PTPN12: variants seen among roughly 807,000 people sequenced by gnomAD.
The protein encoded by PTPN12 is protein tyrosine phosphatase non-receptor type 12, also known as tyrosine-protein phosphatase non-receptor type 12.
In PTPN12, 29 loss-of-function variants were observed where a neutral mutation model predicts 97.6. The observed-to-expected ratio is 0.30, with a 90% CI of 0.22 to 0.41. PTPN12 has a LOEUF of 0.41. PTPN12 is among the 10% of genes least tolerant of loss of function. The pLI, the probability that PTPN12 is intolerant of heterozygous loss-of-function variation, is 1.00. For missense variants in PTPN12, 819 were observed against 926.0 expected (o/e 0.88, Z 1.50); for synonymous variants, 327 against 300.4 (o/e 1.09, Z -0.91).
At chr7:77,570,184 T>C (rs1456894663) in intron 1 of PTPN12, among the ~76,000 whole-genome samples, 2 of 152,156 alleles carry the variant, frequency 1.3e-5, no homozygotes, top group Non-Finnish European at 2.9e-5. Context: ...GATGATAAAA[T>C]TTAGTCGTTT....
intron 9 of PTPN12, among the ~76,000 whole-genome samples, chr7:77,609,796 G>A (rs1183054864): frequency 6.6e-6 from 1 of 151,806 alleles, no homozygotes; most frequent in African/African-American, 2.4e-5. Context: ...CAGGAGAATG[G>A]CGTGAACCCG....
chr7:77,555,361 A>G (rs1172921712), intron 1 of PTPN12, among the ~76,000 whole-genome samples: 2 of 151,972 alleles, frequency 1.3e-5, no homozygotes, highest in Non-Finnish European at 2.9e-5. Flanking sequence ...CATTATTTCA[A>G]ATATTTCTTC....
chr7:77,561,695 T>G (rs1808001512), intron 1 of PTPN12, among the ~76,000 whole-genome samples: 1 of 152,142 alleles, frequency 6.6e-6, no homozygotes, highest in African/African-American at 2.4e-5. Context: ...GTAAAGAGAA[T>G]TGATGTAATT....
chr7:77,564,877 C>T (rs1385308445), intron 1 of PTPN12, among the ~76,000 whole-genome samples: 1 of 147,684 alleles, frequency 6.8e-6, no homozygotes, highest in Non-Finnish European at 1.5e-5. Context: ...CCTACCTCAG[C>T]CTTCCGAGTA....
chr7:77,585,489 A>T (rs1787659480), intron 4 of PTPN12, 54 bp from the exon 5 acceptor site: 1 of 1,482,322 alleles, frequency 6.7e-7, no homozygotes, highest in Non-Finnish European at 9.3e-7. Flanking sequence ...TTAAAAAGTA[A>T]AATTGTGTTT....
intron 11 of PTPN12, among the ~76,000 whole-genome samples, chr7:77,614,251 G>A (rs952011555): frequency 1.3e-5 from 2 of 152,044 alleles, no homozygotes; most frequent in African/African-American, 2.4e-5. Context: ...GATAAATACC[G>A]CATCACCTTT....
rs1787114464 is a variant in PTPN12 at position 77,571,222 on chromosome 7, A to G, written c.208+36A>G. ...AATGCCCTTGATAAAATACATAGAA[A>G]TGCTAATTAGCCTTTTGTAACCTAA... On this transcript the variant is annotated intron_variant, in intron 2 of 17. Coordinates refer to ENST00000248594, the MANE Select transcript of PTPN12 (RefSeq NM_002835.4). The G allele has an allele frequency of 5.3e-6, 7 of 1,327,234 alleles. No homozygotes were observed. In the South Asian group the frequency reaches 9.0e-5, roughly 17 times the overall value. 82.2% of individuals were successfully genotyped at this position (1,327,234 alleles called of 1,614,324 possible).
chr7:77,625,472 G>GCTTGCGCTCTCTCT (rs1554326598), intron 12 of PTPN12, among the ~76,000 whole-genome samples: 8 of 33,514 alleles, frequency 2.4e-4, no homozygotes, highest in African/African-American at 1.1e-3. Flanking sequence ...CAGGCTGCTC[G>GCTTGCGCTCTCTCT]CTCTCTCTCT....
At chr7:77,547,338 G>T (rs186272730) in intron 1 of PTPN12, among the ~76,000 whole-genome samples, 2 of 152,260 alleles carry the variant, frequency 1.3e-5, no homozygotes, top group East Asian at 3.9e-4. Flanking sequence ...TTTTCCTGGG[G>T]GCAGTGGGTG....
At chr7:77,624,900 C>T (rs992865138) in intron 12 of PTPN12, among the ~76,000 whole-genome samples, 7 of 151,714 alleles carry the variant, frequency 4.6e-5, no homozygotes, top group Non-Finnish European at 8.8e-5. Context: ...TTGCGGGGGC[C>T]GAGGCAGGCA....
chr7:77,537,489 G>T lies in PTPN12; in HGVS notation c.-58G>T, dbSNP rs1424771494. ...AGCTGGGGAAGACGGAGCGGGCTCT[G>T]TGCCGGGCGGGCGGGCGGCGGGGGG... On this transcript the variant is annotated 5_prime_UTR_variant, in exon 1 of 18. Coordinates refer to ENST00000248594, the MANE Select transcript of PTPN12 (RefSeq NM_002835.4). 1.3e-6 allele frequency: 2 copies of T among 1,508,880 alleles called. No individual in the cohort carries two copies. Among genetic ancestry groups the T allele is most frequent in the Non-Finnish European group, 1.8e-6 (2 of 1,128,444 alleles). 93.5% of individuals were successfully genotyped at this position (1,508,880 alleles called of 1,614,324 possible).
chr7:77,623,036 G>A (rs1789001281), intron 12 of PTPN12, among the ~76,000 whole-genome samples: 1 of 150,416 alleles, frequency 6.6e-6, no homozygotes. Flanking sequence ...AAGAAAAAAT[G>A]TGTTAGAATT....
At chr7:77,579,160 C>T (rs1787430995) in intron 2 of PTPN12, among the ~76,000 whole-genome samples, 1 of 152,132 alleles carries the variant, frequency 6.6e-6, no homozygotes, top group South Asian at 2.1e-4. Context: ...CCCACTCTGT[C>T]ACCCAGGCTG....
intron 1 of PTPN12, among the ~76,000 whole-genome samples, chr7:77,560,106 G>C (rs1354946478): frequency 6.6e-6 from 1 of 152,214 alleles, no homozygotes; most frequent in Non-Finnish European, 1.5e-5. Context: ...TCATAAAAGT[G>C]ATAATTGAGT....
In PTPN12 at chr7:77,605,586, A is replaced by AT. The variant is rs66467147; in HGVS notation, c.696-1637dup. 7.5e-3 allele frequency among the ~76,000 whole-genome samples: 1,110 copies of AT among 147,928 alleles called. 9 individuals carry two copies. The highest frequency in any genetic ancestry group is 0.012 in the Non-Finnish European group (828 of 66,874). On this transcript the variant is annotated intron_variant, in intron 8 of 17. Transcript: ENST00000248594. ...AGGCGCCCACTACCACGCCCGGCTA[A>AT]TTTTTTTTTTTTGTATTTGCAGTAG...
chr7:77,581,446 A>G lies in PTPN12; in HGVS notation c.228A>G (p.Lys76=). 1.2e-6 allele frequency: 2 copies of G among 1,608,228 alleles called. No individual in the cohort carries two copies. Among genetic ancestry groups the G allele is most frequent in the Non-Finnish European group, 1.7e-6 (2 of 1,176,506 alleles). Residue 76 remains lysine (K), a synonymous_variant, in exon 3 of 18, where the codon AAA becomes AAG. Transcript: ENST00000248594. ...TCGTAGTTGATCACAGCCGAGTTAA[A>G]TTGACATTAAAGACTCCTTCACAAG... ...DILPFDHSRV[K]LTLKTPSQDS...
At chr7:77,580,565 G>A (rs1787481955) in intron 2 of PTPN12, among the ~76,000 whole-genome samples, 1 of 152,054 alleles carries the variant, frequency 6.6e-6, no homozygotes, top group Non-Finnish European at 1.5e-5. Flanking sequence ...AAGGGCAGGG[G>A]AGGCTTACTT....
At position 77,565,281 on chromosome 7, in the gene PTPN12, A is replaced by C. The variant is rs1808211450; in HGVS notation, c.100-5797A>C. 2.0e-5 allele frequency among the ~76,000 whole-genome samples: 3 copies of C among 152,296 alleles called. No homozygotes were observed. The South Asian group carries it at 6.2e-4, about 32-fold the overall frequency. The stretch of plus-strand genomic sequence containing the variant: ...GTGCTGATTTAAAATCCAGCCAACA[A>C]ATTAATTTAACGCTTGTCTGTCTAA... On this transcript the variant is annotated intron_variant, in intron 1 of 17. Transcript: ENST00000248594.
At chr7:77,637,581 G>T (rs1403976402) in intron 16 of PTPN12, among the ~76,000 whole-genome samples, 1 of 152,052 alleles carries the variant, frequency 6.6e-6, no homozygotes, top group African/African-American at 2.4e-5. Flanking sequence ...ATTAGGCCTG[G>T]CGTGGTGGCT....
Sources: gnomAD v4.1 joint callset for allele counts (sites outside exome capture counted in the v4.1 genomes callset) on GRCh38, gnomAD v4.1.1 for gene constraint, MANE v1.5 for transcripts, NCBI Gene and HGNC (gene_info 2026-07-23, HGNC 2026-07-21) for gene names.